The following HORMAD2 variants were observed in gnomAD, a reference collection of about 807,000 sequenced individuals.
HORMAD2 encodes HORMA domain-containing protein 2.
HORMAD2 carries 45 observed loss-of-function variants against 38.8 expected under a neutral mutation model. The observed-to-expected ratio is 1.16, with a 90% CI of 0.91 to 1.49. HORMAD2 has a LOEUF of 1.49. Among genes scored for constraint, HORMAD2 ranks in the 40% most tolerant of loss-of-function variants. The pLI is 0.00. For missense variants in HORMAD2, 338 were observed against 367.0 expected (o/e 0.92, Z 0.65); for synonymous variants, 126 against 122.8 (o/e 1.03, Z -0.17).
chr22:30,144,653 T>C (rs1924299643), intron 10 of HORMAD2, among the ~76,000 whole-genome samples: 1 of 151,776 alleles, frequency 6.6e-6, no homozygotes, highest in Non-Finnish European at 1.5e-5. Context: ...GACTCAGATC[T>C]TCTCAGCTTG....
chr22:30,176,419 C>G lies in HORMAD2; in HGVS notation c.*252C>G, dbSNP rs950915190. 2 of 371,824 alleles carry G rather than the reference C, an allele frequency of 5.4e-6. No homozygotes were observed. The highest frequency in any genetic ancestry group is 9.7e-6 in the Non-Finnish European group (2 of 205,404). 23.0% of individuals were successfully genotyped at this position (371,824 alleles called of 1,614,324 possible). ...CTTCAAAGCTGGGTTAGAGATGAGG[C>G]ACCTTTTATATTATATTTGTAAAAG... On this transcript the variant is annotated 3_prime_UTR_variant, in exon 11 of 11. Transcript: ENST00000336726.
the HORMAD2 span, among the ~76,000 whole-genome samples, chr22:30,195,395 T>C: frequency 6.6e-6 from 1 of 152,194 alleles, no homozygotes; most frequent in Non-Finnish European, 1.5e-5. Context: ...TGAACCGCTA[T>C]GTCAGGGGCA....
At chr22:30,207,296 C>G in the HORMAD2 span, 1 of 302,910 alleles carries the variant, frequency 3.3e-6, no homozygotes, top group Non-Finnish European at 6.8e-6. Context: ...CGCATCCCTC[C>G]CACACATGTC....
At chr22:30,130,586 CTTTTTTTTTTTTT>C (rs66636269) in intron 10 of HORMAD2, among the ~76,000 whole-genome samples, 6 of 87,912 alleles carry the variant, frequency 6.8e-5, no homozygotes, top group Non-Finnish European at 1.4e-4. Flanking sequence ...CTTTTCTTTT[CTTTTTTTTTTTTT>C]TTTTTTTTTG....
the HORMAD2 span, among the ~76,000 whole-genome samples, chr22:30,196,323 A>G: frequency 2.6e-5 from 4 of 152,298 alleles, no homozygotes; most frequent in African/African-American, 9.6e-5. Context: ...GTGATGTAAG[A>G]AAATTCCCCC....
chr22:30,184,981 T>C, the HORMAD2 span, among the ~76,000 whole-genome samples: 1 of 152,234 alleles, frequency 6.6e-6, no homozygotes, highest in Non-Finnish European at 1.5e-5. Context: ...CCTTTATTTC[T>C]GGACAAGTCT....
intron 10 of HORMAD2, among the ~76,000 whole-genome samples, chr22:30,155,089 A>AAAAG (rs1003028267): frequency 1.3e-5 from 2 of 151,600 alleles, no homozygotes; most frequent in East Asian, 1.9e-4. Context: ...AAAAAAAAAA[A>AAAAG]AAAGAAAGAA....
downstream of HORMAD2, among the ~76,000 whole-genome samples, chr22:30,180,060 T>C (rs1323072779): frequency 6.6e-6 from 1 of 152,040 alleles, no homozygotes; most frequent in East Asian, 1.9e-4. Flanking sequence ...AGATAATTTT[T>C]GTATTTTTTA....
At chr22:30,200,124 C>G in the HORMAD2 span, among the ~76,000 whole-genome samples, 2 of 151,996 alleles carry the variant, frequency 1.3e-5, no homozygotes, top group Non-Finnish European at 2.9e-5. Flanking sequence ...ACCATGTCAG[C>G]CAGGCTGGTC....
At chr22:30,165,675 T>C (rs1487201646) in intron 10 of HORMAD2, among the ~76,000 whole-genome samples, 1 of 152,156 alleles carries the variant, frequency 6.6e-6, no homozygotes, top group Non-Finnish European at 1.5e-5. Flanking sequence ...CATATTTGTT[T>C]CCTTAAGTTA....
At chr22:30,092,033 C>T (rs963850941) in intron 1 of HORMAD2, among the ~76,000 whole-genome samples, 1 of 148,200 alleles carries the variant, frequency 6.7e-6, no homozygotes, top group African/African-American at 2.5e-5. Flanking sequence ...CATGCCACCA[C>T]ACCTGGCTAA....
At chr22:30,110,381 T>C (rs1921536487) in intron 5 of HORMAD2, among the ~76,000 whole-genome samples, 1 of 133,254 alleles carries the variant, frequency 7.5e-6, no homozygotes, top group Non-Finnish European at 1.5e-5. Context: ...TGTGAGCATA[T>C]ACTTTTTTTT....
chr22:30,170,902 A>G (rs185077181), intron 10 of HORMAD2, among the ~76,000 whole-genome samples: 107 of 152,284 alleles, frequency 7.0e-4, no homozygotes, highest in Non-Finnish European at 1.4e-3. Context: ...AGTAAACCCC[A>G]TGTGGTGAAA....
chr22:30,156,305 G>A (rs989492121), intron 10 of HORMAD2, among the ~76,000 whole-genome samples: 8 of 152,160 alleles, frequency 5.3e-5, no homozygotes, highest in African/African-American at 1.7e-4. Flanking sequence ...TGAGAAGGCT[G>A]TAACATTTCT....
At chr22:30,147,945 A>G (rs183219121) in intron 10 of HORMAD2, among the ~76,000 whole-genome samples, 5 of 152,304 alleles carry the variant, frequency 3.3e-5, no homozygotes, top group East Asian at 3.9e-4. Flanking sequence ...TCAAATTCCT[A>G]TAAACATATA....
At chr22:30,104,289 T>C (rs1921023267) in intron 4 of HORMAD2, 112 bp from the exon 5 acceptor site, 2 of 783,000 alleles carry the variant, frequency 2.6e-6, no homozygotes, top group Non-Finnish European at 4.4e-6. Context: ...AAAGGTAAGA[T>C]GGTTATCAAC....
the HORMAD2 span, among the ~76,000 whole-genome samples, chr22:30,194,902 C>A: frequency 6.6e-6 from 1 of 152,062 alleles, no homozygotes; most frequent in Non-Finnish European, 1.5e-5. Flanking sequence ...TTAAAGAAAA[C>A]CAAGAGTGGG....
chr22:30,106,815 T>C (rs2146099261), intron 5 of HORMAD2, among the ~76,000 whole-genome samples: 1 of 152,362 alleles, frequency 6.6e-6, no homozygotes, highest in South Asian at 2.1e-4. Context: ...GGATATTTGA[T>C]AATTAAATGA....
At chr22:30,078,986 G>C (rs1281894425), upstream of HORMAD2, among the ~76,000 whole-genome samples, 1 of 151,714 alleles carries the variant, frequency 6.6e-6, no homozygotes, top group Non-Finnish European at 1.5e-5. Context: ...GCAAAGTCTA[G>C]AGAAATTTTT....
Sources: allele counts gnomAD v4.1 joint callset (sites outside exome capture counted in the v4.1 genomes callset), GRCh38; gene constraint gnomAD v4.1.1; transcripts MANE v1.5; gene names NCBI Gene and HGNC (gene_info 2026-07-23, HGNC 2026-07-21).